MALRD1: variants seen among roughly 807,000 people sequenced by gnomAD.
The protein encoded by MALRD1 is MAM and LDL-receptor class A domain-containing protein 1.
A neutral mutation model predicts 242.1 loss-of-function variants in MALRD1; 247 were observed. That is an observed-to-expected ratio of 1.02 (90% CI 0.92 to 1.13). The LOEUF is 1.13. Among genes scored for constraint, MALRD1 ranks in the 50% most tolerant of loss-of-function variants. The pLI, the probability that MALRD1 is intolerant of heterozygous loss-of-function variation, is 0.00. For synonymous variants in MALRD1, 995 were observed against 866.6 expected (o/e 1.15, Z -2.60); for missense variants, 2,989 against 2,533.1 (o/e 1.18, Z -3.86).
At chr10:19,183,320 A>G (rs1304753281) in intron 14 of MALRD1, among the ~76,000 whole-genome samples, 3 of 152,026 alleles carry the variant, frequency 2.0e-5, no homozygotes, top group African/African-American at 7.2e-5. Flanking sequence ...TTGCAGCAAA[A>G]AGGTTTGAAG....
intron 24 of MALRD1, among the ~76,000 whole-genome samples, chr10:19,334,045 C>A (rs2130930603): frequency 6.8e-6 from 1 of 147,704 alleles, no homozygotes; most frequent in Admixed American, 6.8e-5. Flanking sequence ...GGAAAGTAGA[C>A]CTTTGTTGTA....
At chr10:19,196,820 A>G (rs1564459242) in intron 14 of MALRD1, among the ~76,000 whole-genome samples, 1 of 152,080 alleles carries the variant, frequency 6.6e-6, no homozygotes, top group African/African-American at 2.4e-5. Flanking sequence ...AGACTTTGAA[A>G]TCATTAACTT....
intron 33 of MALRD1, among the ~76,000 whole-genome samples, chr10:19,578,667 G>C (rs1026060299): frequency 6.6e-6 from 1 of 152,040 alleles, no homozygotes; most frequent in Admixed American, 6.6e-5. Context: ...ACTCCAGCCT[G>C]GGGGACAGAA....
At chr10:19,550,013 T>C (rs145514141) in intron 32 of MALRD1, among the ~76,000 whole-genome samples, 1 of 152,278 alleles carries the variant, frequency 6.6e-6, no homozygotes, top group African/African-American at 2.4e-5. Context: ...CTTTATAGTT[T>C]GAAAAAGTAT....
At chr10:19,355,858 T>TATATATATATATA (rs57813656) in intron 26 of MALRD1, among the ~76,000 whole-genome samples, 6,418 of 94,636 alleles carry the variant, frequency 0.068, 670 homozygotes, top group Middle Eastern at 0.15. Context: ...TATATATATA[T>TATATATATATATA]TATATATGAT....
rs1834408666 is a variant in MALRD1, at chr10:19,531,351, G to A, written c.5478G>A (p.Lys1826=). ...MIDPRSMGIL[K]VYTIEESGLN... is the part of the protein sequence containing the mutation. Reference sequence around the variant, plus strand: ...ATCCCAGGAGTATGGGAATATTAAAGGTACAAAAGGAAGCCAGAGATTTAT... The same window carrying A: ...ATCCCAGGAGTATGGGAATATTAAAAGTACAAAAGGAAGCCAGAGATTTAT... The change falls in exon 32 of 40, where the codon AAG becomes AAA. Residue 1826 remains lysine (K), a splice_region_variant and synonymous_variant. Transcript: ENST00000454679. 1 of 1,524,548 alleles carries A rather than the reference G, an allele frequency of 6.6e-7. No homozygotes were observed. Among genetic ancestry groups the A allele is most frequent in the Non-Finnish European group, 8.8e-7 (1 of 1,130,318 alleles). The allele number at this position is 1,524,548 out of a possible 1,614,324, so 94.4% of individuals were successfully genotyped here.
intron 5 of MALRD1, among the ~76,000 whole-genome samples, chr10:19,116,875 G>A (rs1836887491): frequency 1.3e-5 from 2 of 152,068 alleles, no homozygotes; most frequent in Admixed American, 6.5e-5. Context: ...GATCACCTGA[G>A]GTCAGGAGTT....
At chr10:19,456,018 A>G (rs1589108214) in intron 29 of MALRD1, among the ~76,000 whole-genome samples, 1 of 152,196 alleles carries the variant, frequency 6.6e-6, no homozygotes, top group Non-Finnish European at 1.5e-5. Context: ...GTAGAATCCA[A>G]TAATGGTATA....
At chr10:19,211,769 A>G (rs1199163182) in intron 18 of MALRD1, among the ~76,000 whole-genome samples, 1 of 149,708 alleles carries the variant, frequency 6.7e-6, no homozygotes, top group Non-Finnish European at 1.5e-5. Context: ...TTTTTTCTCC[A>G]TTAAATGATG....
Position 19,066,790 on chromosome 10 carries a change from A to G in MALRD1, c.271A>G (p.Ser91Gly), listed in dbSNP as rs1344924635. Residue 91 changes from serine to glycine, a missense_variant, in exon 2 of 40, where the codon AGT becomes GGT. Transcript: ENST00000454679. ...HMTQDQSLQP[S>G]WTKRSGMIGL... is the part of the protein sequence containing the mutation. ...GACTCAAGATCAGAGTCTGCAACCT[A>G]GTTGGACAAAGAGAAGTGGGATGAT... The G allele has an allele frequency of 4.1e-6, 5 of 1,233,498 alleles. No individual in the cohort carries two copies. The highest frequency in any genetic ancestry group is 4.1e-5 in the South Asian group (1 of 24,414). The allele number at this position is 1,233,498 out of a possible 1,614,324, so 76.4% of individuals were successfully genotyped here.
chr10:19,154,753 C>G (rs2256914), intron 11 of MALRD1, among the ~76,000 whole-genome samples: 150,596 of 152,308 alleles, frequency 0.99, 74,454 homozygotes, highest in Middle Eastern at 1. Context: ...TCATAAGGGC[C>G]TGTTGAATAT....
At chr10:19,176,445 G>T (rs986568465) in intron 14 of MALRD1, among the ~76,000 whole-genome samples, 1 of 139,812 alleles carries the variant, frequency 7.2e-6, no homozygotes, top group Admixed American at 7.6e-5. Flanking sequence ...CGCAATCTCG[G>T]CTCACTGCAA....
intron 17 of MALRD1, among the ~76,000 whole-genome samples, chr10:19,206,766 C>T (rs758780618): frequency 2.0e-5 from 3 of 152,164 alleles, no homozygotes; most frequent in Non-Finnish European, 2.9e-5. Context: ...GGCGTATTCC[C>T]TTTGGAAATG....
intron 33 of MALRD1, among the ~76,000 whole-genome samples, chr10:19,573,147 C>A (rs1836644914): frequency 6.6e-6 from 1 of 152,168 alleles, no homozygotes; most frequent in African/African-American, 2.4e-5. Context: ...GAGCCATGAG[C>A]TCTGGATTCT....
chr10:19,553,933 C>A (rs766041348), intron 32 of MALRD1, among the ~76,000 whole-genome samples: 17 of 152,300 alleles, frequency 1.1e-4, no homozygotes, highest in Admixed American at 1.0e-3. Context: ...CTTTCCCATT[C>A]TTTCATTCTT....
At chr10:19,483,411 A>G (rs1837100540) in intron 29 of MALRD1, among the ~76,000 whole-genome samples, 1 of 152,158 alleles carries the variant, frequency 6.6e-6, no homozygotes. Context: ...TGCATGCAAC[A>G]AAGGTCTAAT....
chr10:19,088,170 T>G lies in MALRD1; in HGVS notation c.582T>G (p.Ser194Arg), dbSNP rs192593141. Reference sequence around the variant, plus strand: ...AGAGAAATGTCATCAAAATCCAGAGTTCACAGAGATTTCAGGTATGTGTGT... The same window carrying G: ...AGAGAAATGTCATCAAAATCCAGAGGTCACAGAGATTTCAGGTATGTGTGT... ...QWERNVIKIQSSQRFQVVFEG... is the reference protein window; with the variant it reads ...QWERNVIKIQRSQRFQVVFEG... Residue 194 changes from serine (S) to arginine (R), a missense_variant, in exon 4 of 40, where the codon AGT becomes AGG. Transcript: ENST00000454679. 42 of 1,233,168 alleles carry G rather than the reference T, an allele frequency of 3.4e-5. No individual in the cohort carries two copies. In the African/African-American group the frequency reaches 3.9e-4, roughly 11 times the overall value. 76.4% of individuals were successfully genotyped at this position (1,233,168 alleles called of 1,614,324 possible).
chr10:19,587,986 C>T (rs963120877), intron 33 of MALRD1, among the ~76,000 whole-genome samples: 147 of 146,834 alleles, frequency 1.0e-3, no homozygotes, highest in Non-Finnish European at 1.8e-3. Context: ...CAGATTTATT[C>T]TTTTAAATAT....
intron 31 of MALRD1, among the ~76,000 whole-genome samples, chr10:19,519,439 A>T (rs1833782616): frequency 6.6e-6 from 1 of 152,186 alleles, no homozygotes; most frequent in Non-Finnish European, 1.5e-5. Context: ...ATATACTTTG[A>T]AAAATCTTTA....
Sources: gnomAD v4.1 joint callset for allele counts (sites outside exome capture counted in the v4.1 genomes callset) on GRCh38, gnomAD v4.1.1 for gene constraint, MANE v1.5 for transcripts, NCBI Gene and HGNC (gene_info 2026-07-23, HGNC 2026-07-21) for gene names.